Variants in ZNF407 observed in about 807,000 individuals in gnomAD.
ZNF407 encodes the protein zinc finger protein 407.
A neutral mutation model predicts 131.2 loss-of-function variants in ZNF407; 17 were observed. The ratio of observed to expected loss-of-function variants is 0.13; its 90% CI spans 0.09 to 0.19. The LOEUF (loss-of-function observed/expected upper bound fraction) is 0.19, where lower values mean the gene tolerates loss of function less well. Among genes scored for constraint, ZNF407 ranks in the 10% least tolerant of loss-of-function variants. The probability of loss-of-function intolerance (pLI) is 1.00; values close to 1 mark genes in which losing one functional copy is unlikely to be tolerated. For missense variants in ZNF407, 2,681 were observed against 2,830.6 expected, an observed-to-expected ratio of 0.95 and a Z score of 1.20; for synonymous variants, 1,156 against 1,062.0, an observed-to-expected ratio of 1.09 and a Z score of -1.72.
chr18:74,758,866 C>G (rs1367932208), intron 3 of ZNF407, among the ~76,000 whole-genome samples: 3 of 152,174 alleles, frequency 2.0e-5, no homozygotes, highest in African/African-American at 7.2e-5. Context: ...AGGCATGAGT[C>G]ACTATGCCTG....
At chr18:74,830,288 T>G (rs980179398) in intron 4 of ZNF407, among the ~76,000 whole-genome samples, 1 of 152,118 alleles carries the variant, frequency 6.6e-6, no homozygotes, top group Non-Finnish European at 1.5e-5. Flanking sequence ...TTATTTTATT[T>G]TATTACTTTT....
intron 8 of ZNF407, among the ~76,000 whole-genome samples, chr18:75,045,140 G>T (rs1210109949): frequency 3.9e-5 from 6 of 152,012 alleles, no homozygotes; most frequent in African/African-American, 1.2e-4. Flanking sequence ...GGCGGTGTGG[G>T]TGTGCACGCA....
At chr18:75,031,049 A>G (rs558750675) in intron 8 of ZNF407, among the ~76,000 whole-genome samples, 2 of 152,312 alleles carry the variant, frequency 1.3e-5, no homozygotes, top group African/African-American at 4.8e-5. Flanking sequence ...GCCCCCACAC[A>G]CATAGCAGCA....
intron 1 of ZNF407, among the ~76,000 whole-genome samples, chr18:74,615,482 C>T (rs972363928): frequency 2.0e-5 from 3 of 152,116 alleles, no homozygotes; most frequent in Admixed American, 6.5e-5. Context: ...TCCAGCCTGG[C>T]GACAGAGTGA....
intron 3 of ZNF407, among the ~76,000 whole-genome samples, chr18:74,763,094 T>C (rs1195664717): frequency 1.3e-5 from 2 of 152,014 alleles, no homozygotes; most frequent in Non-Finnish European, 2.9e-5. Flanking sequence ...AGCTTGCAAT[T>C]GTTAGTCTGT....
intron 8 of ZNF407, among the ~76,000 whole-genome samples, chr18:75,016,970 G>A (rs1973051748): frequency 6.6e-6 from 1 of 152,068 alleles, no homozygotes; most frequent in Admixed American, 6.6e-5. Context: ...GAAAAAGCAG[G>A]TGTCTAACAC....
chr18:74,604,785 C>G (rs901487572), intron 1 of ZNF407, among the ~76,000 whole-genome samples: 1 of 152,164 alleles, frequency 6.6e-6, no homozygotes. Context: ...TGTAATCCCC[C>G]CAAATCTTTT....
chr18:74,871,476 TTTTG>T (rs1971086085), intron 4 of ZNF407, among the ~76,000 whole-genome samples: 1 of 152,060 alleles, frequency 6.6e-6, no homozygotes, highest in South Asian at 2.1e-4. Flanking sequence ...TAGTTCTATA[TTTTG>T]TTTATTCAAA....
At chr18:74,788,119 G>T (rs1431743821) in intron 4 of ZNF407, among the ~76,000 whole-genome samples, 1 of 152,110 alleles carries the variant, frequency 6.6e-6, no homozygotes, top group Non-Finnish European at 1.5e-5. Flanking sequence ...AGCCTTAAAG[G>T]CATGCATTTT....
At chr18:74,798,273 A>G (rs1411237387) in intron 4 of ZNF407, among the ~76,000 whole-genome samples, 2 of 151,330 alleles carry the variant, frequency 1.3e-5, no homozygotes, top group Non-Finnish European at 2.9e-5. Flanking sequence ...TAATGACACA[A>G]AATTGTTGAT....
At chr18:74,989,981 A>G (rs908863647) in intron 8 of ZNF407, among the ~76,000 whole-genome samples, 4 of 152,232 alleles carry the variant, frequency 2.6e-5, no homozygotes, top group Non-Finnish European at 5.9e-5. Context: ...TTCTCTGAAA[A>G]TCAAACATCT....
intron 1 of ZNF407, among the ~76,000 whole-genome samples, chr18:74,625,186 T>C (rs1342485449): frequency 6.6e-6 from 1 of 152,260 alleles, no homozygotes; most frequent in African/African-American, 2.4e-5. Flanking sequence ...AAATAACAAA[T>C]GTGGAAACTT....
intron 1 of ZNF407, among the ~76,000 whole-genome samples, chr18:74,604,954 A>G (rs1020027533): frequency 1.3e-5 from 2 of 152,188 alleles, no homozygotes; most frequent in Non-Finnish European, 2.9e-5. Flanking sequence ...GGCCATTCTT[A>G]CAGTAAGCAG....
intron 8 of ZNF407, among the ~76,000 whole-genome samples, chr18:75,018,086 G>A (rs186310397): frequency 5.7e-4 from 87 of 152,242 alleles, no homozygotes; most frequent in Admixed American, 2.0e-3. Context: ...TTGCACAATA[G>A]AATTATGTGA....
chr18:74,751,821 G>A (rs1011136740), intron 3 of ZNF407, among the ~76,000 whole-genome samples: 25 of 152,118 alleles, frequency 1.6e-4, no homozygotes, highest in Non-Finnish European at 2.9e-4. Context: ...GAATAGTGCC[G>A]CAGTAGACAT....
At chr18:74,975,997 T>C (rs1030181160) in intron 8 of ZNF407, among the ~76,000 whole-genome samples, 1 of 152,228 alleles carries the variant, frequency 6.6e-6, no homozygotes, top group Non-Finnish European at 1.5e-5. Context: ...TTTATTTATG[T>C]ATTTTAATTA....
Position 74,977,178 on chromosome 18 carries a change from A to G in ZNF407, c.5428+56486A>G, listed in dbSNP as rs77843554. 4.0e-3 allele frequency among the ~76,000 whole-genome samples: 611 copies of G among 152,390 alleles called. 5 individuals carry two copies. Among genetic ancestry groups the G allele is most frequent in the African/African-American group, 0.013 (553 of 41,594 alleles). ...TGGATAATACTTGCAGTAGCTCTTT[A>G]TATGACTGTTTATGTTTCAAAGCCA... On this transcript the variant is annotated intron_variant, in intron 8 of 8. Coordinates refer to ENST00000299687, the MANE Select transcript of ZNF407 (RefSeq NM_017757.3).
chr18:74,785,577 T>C (rs17055094), intron 4 of ZNF407, among the ~76,000 whole-genome samples: 100,532 of 152,168 alleles, frequency 0.66, 34,906 homozygotes, highest in East Asian at 0.95. Flanking sequence ...TGGAGACTCT[T>C]TTCTCTCCTT....
intron 4 of ZNF407, among the ~76,000 whole-genome samples, chr18:74,846,601 T>C (rs1970706950): frequency 6.6e-6 from 1 of 151,672 alleles, no homozygotes; most frequent in South Asian, 2.1e-4. Flanking sequence ...CCTCCCAAAG[T>C]GCTGGGATTA....
Sources: gnomAD v4.1 joint callset for allele counts (sites outside exome capture counted in the v4.1 genomes callset) on GRCh38, gnomAD v4.1.1 for gene constraint, MANE v1.5 for transcripts, NCBI Gene and HGNC (gene_info 2026-07-23, HGNC 2026-07-21) for gene names.